The following NCAM1 variants were observed in gnomAD, a reference collection of about 807,000 sequenced individuals.
The protein encoded by NCAM1 is neural cell adhesion molecule 1.
Under a neutral mutation model 109.8 loss-of-function variants are expected in NCAM1, and 14 were observed. That is an observed-to-expected ratio of 0.13 (90% CI 0.08 to 0.20). The LOEUF is 0.20. NCAM1 is among the 10% of genes least tolerant of loss of function. The pLI, the probability that NCAM1 is intolerant of heterozygous loss-of-function variation, is 1.00. For synonymous variants in NCAM1, 418 were observed against 442.9 expected, an observed-to-expected ratio of 0.94 and a Z score of 0.70; for missense variants, 774 against 1,109.9, an observed-to-expected ratio of 0.70 and a Z score of 4.30.
chr11:112,993,464 C>A (rs1210161970), intron 1 of NCAM1, among the ~76,000 whole-genome samples: 2 of 152,176 alleles, frequency 1.3e-5, no homozygotes, highest in Non-Finnish European at 2.9e-5. Flanking sequence ...TATAATTCAA[C>A]ATAAGATTTG....
intron 1 of NCAM1, among the ~76,000 whole-genome samples, chr11:113,083,486 C>A (rs1938937508): frequency 6.6e-6 from 1 of 152,060 alleles, no homozygotes. Context: ...TCTACTTGGG[C>A]CATTGAATTT....
intron 1 of NCAM1, among the ~76,000 whole-genome samples, chr11:113,076,537 G>T (rs1382569438): frequency 6.6e-6 from 1 of 152,142 alleles, no homozygotes; most frequent in Non-Finnish European, 1.5e-5. Flanking sequence ...TAAAAAACAT[G>T]GTTAGAATCT....
intron 1 of NCAM1, among the ~76,000 whole-genome samples, chr11:113,034,618 T>C (rs1431221298): frequency 6.6e-6 from 1 of 152,176 alleles, no homozygotes; most frequent in Non-Finnish European, 1.5e-5. Context: ...CGATGTGTGA[T>C]TGGGTGACAG....
chr11:113,166,759 G>A (rs782710807), intron 1 of NCAM1, among the ~76,000 whole-genome samples: 3 of 151,214 alleles, frequency 2.0e-5, no homozygotes, highest in Middle Eastern at 3.2e-3. Flanking sequence ...TTGTCACTGC[G>A]ACACACACAC....
chr11:113,060,740 G>T (rs782514740), intron 1 of NCAM1, among the ~76,000 whole-genome samples: 9 of 152,130 alleles, frequency 5.9e-5, no homozygotes, highest in Non-Finnish European at 1.2e-4. Flanking sequence ...TTTGGAAAGA[G>T]AATGCATTTA....
intron 1 of NCAM1, among the ~76,000 whole-genome samples, chr11:113,122,936 A>G (rs1221486553): frequency 6.6e-6 from 1 of 152,132 alleles, no homozygotes; most frequent in Non-Finnish European, 1.5e-5. Context: ...TCATTCTGTT[A>G]AGTGAAGTAA....
intron 1 of NCAM1, among the ~76,000 whole-genome samples, chr11:113,030,679 T>C (rs1555078208): frequency 6.6e-6 from 1 of 152,224 alleles, no homozygotes; most frequent in East Asian, 1.9e-4. Context: ...TGTTAAGGTA[T>C]CAGGAAATCC....
intron 1 of NCAM1, among the ~76,000 whole-genome samples, chr11:113,081,365 G>C (rs940425137): frequency 6.6e-6 from 1 of 152,058 alleles, no homozygotes; most frequent in Non-Finnish European, 1.5e-5. Flanking sequence ...GGTGCTTGCC[G>C]GTCCTGGAGT....
chr11:113,172,459 G>A (rs1483516944), intron 1 of NCAM1, among the ~76,000 whole-genome samples: 9 of 152,188 alleles, frequency 5.9e-5, no homozygotes, highest in Non-Finnish European at 1.0e-4. Flanking sequence ...AGTGGATTCC[G>A]TAAGTACTCC....
At chr11:113,241,155 G>A (rs1169612376) in intron 14 of NCAM1, among the ~76,000 whole-genome samples, 1 of 152,234 alleles carries the variant, frequency 6.6e-6, no homozygotes, top group Non-Finnish European at 1.5e-5. Flanking sequence ...CTCGTATTTG[G>A]AGAAGCCAAA....
At chr11:113,210,775 AACACACACACACACACACACACACACAC>A (rs35387760) in intron 7 of NCAM1, among the ~76,000 whole-genome samples, 14 of 130,980 alleles carry the variant, frequency 1.1e-4, no homozygotes, top group African/African-American at 3.8e-4. Context: ...CTTCATCACA[AACACACACACACACACACACACACACAC>A]ACACACACAC....
chr11:112,972,316 A>G (rs1003904180), intron 1 of NCAM1, among the ~76,000 whole-genome samples: 2 of 152,130 alleles, frequency 1.3e-5, no homozygotes, highest in African/African-American at 2.4e-5. Context: ...GAAAAACACC[A>G]TGAGTTATGG....
intron 1 of NCAM1, among the ~76,000 whole-genome samples, chr11:113,113,519 A>G (rs553662710): frequency 9.9e-5 from 15 of 152,244 alleles, no homozygotes; most frequent in African/African-American, 2.6e-4. Flanking sequence ...ACTCCTTGGA[A>G]TGTTCTGATT....
rs1394160265 is a variant in NCAM1 at position 113,273,732 on chromosome 11, G to A, written c.2457-1535G>A. The A allele has an allele frequency of 4.5e-6, 2 of 445,430 alleles. No individual in the cohort carries two copies. The highest frequency in any genetic ancestry group is 2.0e-5 in the African/African-American group (1 of 49,512). The allele number at this position is 445,430 out of a possible 1,614,324, so 27.6% of individuals were successfully genotyped here. A position where few individuals can be genotyped will look rare whatever the true frequency, so the allele number is the denominator to read the frequency against. On this transcript the variant is annotated intron_variant, in intron 19 of 19. Coordinates refer to ENST00000316851, the MANE Select transcript of NCAM1 (RefSeq NM_181351.5). The surrounding 1 kb of genome is among the most constrained non-coding windows in gnomAD (Gnocchi z 6.0). ...CACTGCAGACAGCTCTGTTTCGCCTGCGCCAGCAAAGACCGAGTACGGCCT... is the reference window on the plus strand; with the variant it reads ...CACTGCAGACAGCTCTGTTTCGCCTACGCCAGCAAAGACCGAGTACGGCCT...
intron 1 of NCAM1, among the ~76,000 whole-genome samples, chr11:112,980,675 T>G (rs1179478416): frequency 6.6e-6 from 1 of 151,800 alleles, no homozygotes; most frequent in Admixed American, 6.6e-5. Context: ...GATAAGTTCT[T>G]TAGTGGTGAT....
intron 1 of NCAM1, among the ~76,000 whole-genome samples, chr11:113,053,315 G>T (rs992585070): frequency 6.6e-6 from 1 of 152,130 alleles, no homozygotes; most frequent in Admixed American, 6.6e-5. Context: ...TCACTGATGG[G>T]CATTTGGGTT....
At chr11:113,113,031 C>T (rs535209861) in intron 1 of NCAM1, among the ~76,000 whole-genome samples, 1 of 152,246 alleles carries the variant, frequency 6.6e-6, no homozygotes, top group East Asian at 1.9e-4. Context: ...ACTCAGGAGA[C>T]TGAGGCAGGA....
chr11:113,123,398 C>T (rs1555096463), intron 1 of NCAM1, among the ~76,000 whole-genome samples: 1 of 152,174 alleles, frequency 6.6e-6, no homozygotes. Flanking sequence ...GGGGTGCTTA[C>T]TCTTTCCATC....
intron 1 of NCAM1, among the ~76,000 whole-genome samples, chr11:113,023,728 A>G (rs17114689): frequency 0.099 from 15,097 of 152,222 alleles, 972 homozygotes; most frequent in Non-Finnish European, 0.14. Flanking sequence ...TCATAGAATT[A>G]GGAACTTTGT....
Sources: gnomAD v4.1 joint callset for allele counts (sites outside exome capture counted in the v4.1 genomes callset) on GRCh38, gnomAD v4.1.1 for gene constraint, Gnocchi (gnomAD v3.1) non-coding constraint, MANE v1.5 for transcripts, NCBI Gene and HGNC (gene_info 2026-07-23, HGNC 2026-07-21) for gene names.